The following KCNH8 variants were observed in gnomAD, a reference collection of about 807,000 sequenced individuals.
KCNH8 encodes potassium voltage-gated channel subfamily H member 8.
A neutral mutation model predicts 103.6 loss-of-function variants in KCNH8; 70 were observed. The ratio of observed to expected loss-of-function variants is 0.68; its 90% CI spans 0.56 to 0.82. The LOEUF is 0.82. Among genes scored for constraint, KCNH8 ranks in the 40% least tolerant of loss-of-function variants. KCNH8 has a pLI of 0.00. For missense variants in KCNH8, 1,217 were observed against 1,329.9 expected, an observed-to-expected ratio of 0.92 and a Z score of 1.32; for synonymous variants, 498 against 489.4, an observed-to-expected ratio of 1.02 and a Z score of -0.23.
At chr3:19,401,109 T>C (rs562783145) in intron 7 of KCNH8, among the ~76,000 whole-genome samples, 1 of 151,978 alleles carries the variant, frequency 6.6e-6, no homozygotes, top group Non-Finnish European at 1.5e-5. Context: ...TAATGTGCAC[T>C]GGAATGAACC....
chr3:19,187,077 C>G (rs1271647106), intron 1 of KCNH8, among the ~76,000 whole-genome samples: 1 of 151,898 alleles, frequency 6.6e-6, no homozygotes, highest in East Asian at 1.9e-4. Flanking sequence ...TTTCATGTTA[C>G]AAAATGTTGT....
At chr3:19,359,090 A>G (rs1335848851) in intron 5 of KCNH8, among the ~76,000 whole-genome samples, 1 of 151,998 alleles carries the variant, frequency 6.6e-6, no homozygotes, top group Non-Finnish European at 1.5e-5. Context: ...ACATGCTAAA[A>G]TAAGTGATAG....
rs71055059 is a variant in KCNH8, at chr3:19,241,723, G to GACACACACAC, written c.77-11911_77-11902dup. Reference sequence around the variant, plus strand: ...ATTCAGTTATAAAAATACACACACAGACACACACACACACACACACACACA... The same window carrying GACACACACAC: ...ATTCAGTTATAAAAATACACACACAGACACACACACACACACACACACACACACACACACA... On this transcript the variant is annotated intron_variant, in intron 1 of 15. Transcript: ENST00000328405. 5.9e-3 allele frequency among the ~76,000 whole-genome samples: 873 copies of GACACACACAC among 147,798 alleles called. 8 individuals are homozygous for GACACACACAC. The highest frequency in any genetic ancestry group is 0.021 in the African/African-American group (837 of 40,068).
In KCNH8 at chr3:19,274,880, C is replaced by T. The variant is rs1361837209; in HGVS notation, c.311-6318C>T. On this transcript the variant is annotated intron_variant, in intron 2 of 15. Transcript: ENST00000328405. ...CCTCCCCACCCCTCCCCTCCCCACC[C>T]CTCCCCTCCCCTTCCCTTCCCTCTC... Among the ~76,000 whole-genome samples the T allele has an allele frequency of 2.1e-3, 198 of 92,398 alleles. 5 individuals are homozygous for T. The highest frequency in any genetic ancestry group is 0.011 in the African/African-American group (184 of 16,074). 60.6% of individuals were successfully genotyped at this position (92,398 alleles called of 152,430 possible).
chr3:19,256,740 C>T (rs2064351979), intron 2 of KCNH8, among the ~76,000 whole-genome samples: 1 of 152,022 alleles, frequency 6.6e-6, no homozygotes, highest in African/African-American at 2.4e-5. Context: ...ATTTCTTGAG[C>T]TCAGTTTTTT....
intron 1 of KCNH8, among the ~76,000 whole-genome samples, chr3:19,199,396 G>A (rs2063633965): frequency 6.6e-6 from 1 of 151,872 alleles, no homozygotes; most frequent in African/African-American, 2.4e-5. Context: ...TTTTAATCAT[G>A]TAACAAAAGA....
At chr3:19,522,908 G>A (rs1471585214) in intron 15 of KCNH8, among the ~76,000 whole-genome samples, 1 of 151,714 alleles carries the variant, frequency 6.6e-6, no homozygotes, top group African/African-American at 2.4e-5. Context: ...AATTTAGAAA[G>A]TATTTCAGTT....
chr3:19,395,608 A>T (rs1261092063), intron 7 of KCNH8, among the ~76,000 whole-genome samples: 1 of 152,006 alleles, frequency 6.6e-6, no homozygotes, highest in Admixed American at 6.6e-5. Context: ...CTTATCTTGA[A>T]ATGTTCCGAT....
At chr3:19,260,503 T>G (rs1291978969) in intron 2 of KCNH8, among the ~76,000 whole-genome samples, 19 of 110,120 alleles carry the variant, frequency 1.7e-4, no homozygotes, top group African/African-American at 7.6e-4. Context: ...TATATATATA[T>G]ATATATATAT....
At chr3:19,268,901 A>G (rs1423962825) in intron 2 of KCNH8, among the ~76,000 whole-genome samples, 1 of 152,154 alleles carries the variant, frequency 6.6e-6, no homozygotes, top group Non-Finnish European at 1.5e-5. Context: ...GTTAGCTGCT[A>G]GAATTGACAA....
intron 3 of KCNH8, among the ~76,000 whole-genome samples, chr3:19,326,940 C>T (rs2065432022): frequency 1.3e-5 from 2 of 152,122 alleles, no homozygotes; most frequent in African/African-American, 4.8e-5. Flanking sequence ...TTCTGAAGGA[C>T]TTCATTGATA....
At chr3:19,387,292 C>T (rs1269457412) in intron 5 of KCNH8, among the ~76,000 whole-genome samples, 1 of 152,098 alleles carries the variant, frequency 6.6e-6, no homozygotes, top group Non-Finnish European at 1.5e-5. Flanking sequence ...ATTGTTATTT[C>T]CTCTAAAATA....
chr3:19,434,912 A>G (rs1334912148), intron 7 of KCNH8, among the ~76,000 whole-genome samples: 1 of 152,136 alleles, frequency 6.6e-6, no homozygotes, highest in African/African-American at 2.4e-5. Context: ...ACACAGCACA[A>G]TTTAAAATGA....
intron 3 of KCNH8, among the ~76,000 whole-genome samples, chr3:19,336,469 A>G (rs1012833898): frequency 6.6e-6 from 1 of 151,884 alleles, no homozygotes; most frequent in African/African-American, 2.4e-5. Flanking sequence ...GCATATGAAA[A>G]GAAGAGAAAT....
At chr3:19,364,356 T>C (rs1574970828) in intron 5 of KCNH8, among the ~76,000 whole-genome samples, 1 of 152,154 alleles carries the variant, frequency 6.6e-6, no homozygotes, top group East Asian at 1.9e-4. Context: ...CAATACGGCA[T>C]TCATGGCTCG....
At chr3:19,403,166 T>C (rs763774783) in intron 7 of KCNH8, among the ~76,000 whole-genome samples, 66 of 151,508 alleles carry the variant, frequency 4.4e-4, no homozygotes, top group Non-Finnish European at 8.9e-4. Flanking sequence ...TGGGGTTTGG[T>C]TTTCTGATTT....
chr3:19,389,895 G>T (rs552860894), intron 5 of KCNH8, among the ~76,000 whole-genome samples: 97 of 152,164 alleles, frequency 6.4e-4, no homozygotes, highest in Admixed American at 9.8e-4. Flanking sequence ...CTTCCAAAGT[G>T]CTGGGATTAC....
chr3:19,448,865 A>G (rs969383757), intron 8 of KCNH8: 1 of 572,822 alleles, frequency 1.7e-6, no homozygotes, highest in African/African-American at 1.9e-5. Context: ...ATAAAATCTG[A>G]ATATTACTTA....
intron 3 of KCNH8, among the ~76,000 whole-genome samples, chr3:19,339,324 G>A (rs755155330): frequency 2.6e-5 from 4 of 152,084 alleles, no homozygotes; most frequent in Non-Finnish European, 5.9e-5. Flanking sequence ...AGTTAGCATT[G>A]TAATTCCACT....
Sources: gnomAD v4.1 joint callset for allele counts (sites outside exome capture counted in the v4.1 genomes callset) on GRCh38, gnomAD v4.1.1 for gene constraint, MANE v1.5 for transcripts, NCBI Gene and HGNC (gene_info 2026-07-23, HGNC 2026-07-21) for gene names.